The following HMGCLL1 variants were observed in gnomAD, a reference collection of about 807,000 sequenced individuals.
HMGCLL1 encodes the protein 3-hydroxymethyl-3-methylglutaryl-CoA lyase, cytoplasmic.
HMGCLL1 carries 36 observed loss-of-function variants against 39.1 expected under a neutral mutation model. The observed-to-expected ratio is 0.92, with a 90% CI of 0.71 to 1.22. The LOEUF (loss-of-function observed/expected upper bound fraction) is 1.22, where lower values mean the gene tolerates loss of function less well. HMGCLL1 is among the 50% of genes most tolerant of loss of function. The pLI is 0.00. For missense variants in HMGCLL1, 451 were observed against 416.5 expected (o/e 1.08, Z -0.72); for synonymous variants, 149 against 144.0 (o/e 1.03, Z -0.25).
chr6:55,577,715 G>C (rs1392707506), intron 1 of HMGCLL1, among the ~76,000 whole-genome samples: 1 of 152,072 alleles, frequency 6.6e-6, no homozygotes, highest in Non-Finnish European at 1.5e-5. Flanking sequence ...ATAAGTTAAT[G>C]GTTCCTGATT....
chr6:55,536,140 T>C (rs1397781218), intron 3 of HMGCLL1, among the ~76,000 whole-genome samples: 2 of 152,154 alleles, frequency 1.3e-5, no homozygotes, highest in Admixed American at 1.3e-4. Flanking sequence ...CTTGCTAACA[T>C]TGTGTTTGGT....
chr6:55,624,465 G>A, the HMGCLL1 span, among the ~76,000 whole-genome samples: 462 of 152,280 alleles, frequency 3.0e-3, 1 homozygote, highest in African/African-American at 0.01. Flanking sequence ...CAGCTGGCAA[G>A]GCCAGCAATA....
the HMGCLL1 span, among the ~76,000 whole-genome samples, chr6:55,647,871 A>G: frequency 2.6e-5 from 3 of 116,710 alleles, no homozygotes; most frequent in East Asian, 2.4e-4. Flanking sequence ...TGCACCCACT[A>G]ATGTGTCATC....
the HMGCLL1 span, among the ~76,000 whole-genome samples, chr6:55,584,958 G>A: frequency 1.3e-5 from 2 of 151,610 alleles, no homozygotes; most frequent in Non-Finnish European, 2.9e-5. Context: ...TGATACCTAA[G>A]GGGAAAAAAG....
At chr6:55,673,665 AT>A in the HMGCLL1 span, among the ~76,000 whole-genome samples, 4 of 151,992 alleles carry the variant, frequency 2.6e-5, no homozygotes, top group Non-Finnish European at 5.9e-5. Context: ...CAAATAATGC[AT>A]AATAGCAAAC....
At chr6:55,494,016 G>C (rs897986971) in intron 7 of HMGCLL1, among the ~76,000 whole-genome samples, 16 of 152,132 alleles carry the variant, frequency 1.1e-4, no homozygotes, top group Non-Finnish European at 2.2e-4. Context: ...GGGATTACAG[G>C]CGTGAGCCAC....
chr6:55,492,853 T>G (rs925022097), intron 7 of HMGCLL1, among the ~76,000 whole-genome samples: 1 of 152,006 alleles, frequency 6.6e-6, no homozygotes, highest in Non-Finnish European at 1.5e-5. Context: ...CAACAGAGCT[T>G]CTGCACATGG....
At chr6:55,456,797 C>T (rs1000207062) in intron 7 of HMGCLL1, among the ~76,000 whole-genome samples, 1 of 152,202 alleles carries the variant, frequency 6.6e-6, no homozygotes, top group Non-Finnish European at 1.5e-5. Context: ...CTTTGTCCAT[C>T]CAGCCTATAG....
chr6:55,447,606 A>C (rs1030197431), intron 7 of HMGCLL1, among the ~76,000 whole-genome samples: 10 of 152,034 alleles, frequency 6.6e-5, no homozygotes, highest in Non-Finnish European at 1.0e-4. Context: ...AAAGCAAGAA[A>C]ATTTTCAATT....
chr6:55,674,092 A>G, the HMGCLL1 span, among the ~76,000 whole-genome samples: 1 of 152,038 alleles, frequency 6.6e-6, no homozygotes, highest in Admixed American at 6.6e-5. Flanking sequence ...AAGTAGTAGC[A>G]TGTCGTAATG....
intron 5 of HMGCLL1, among the ~76,000 whole-genome samples, chr6:55,503,074 T>A (rs1766977231): frequency 6.6e-6 from 1 of 151,754 alleles, no homozygotes; most frequent in Admixed American, 6.6e-5. Context: ...TTCATGGCAA[T>A]TTTAGTTTCT....
Position 55,536,594 on chromosome 6 carries a change from C to T in HMGCLL1, c.297+5135G>A, listed in dbSNP as rs561553178. 2.6e-5 allele frequency among the ~76,000 whole-genome samples: 4 copies of T among 152,218 alleles called. No homozygotes were observed. The South Asian group carries it at 6.2e-4, about 24-fold the overall frequency. ...TTTCTTTCTGCTGCTATTGTTCATT[C>T]CATCTGAGCGAGGGGCTATCTGGAC... is the stretch of plus-strand genomic sequence containing the variant. On this transcript the variant is annotated intron_variant, in intron 3 of 8. Coordinates refer to ENST00000274901, the MANE Select transcript of HMGCLL1 (RefSeq NM_001042406.2).
chr6:55,649,408 T>G, the HMGCLL1 span, among the ~76,000 whole-genome samples: 1 of 151,498 alleles, frequency 6.6e-6, no homozygotes, highest in Non-Finnish European at 1.5e-5. Flanking sequence ...ACTTTAAATA[T>G]GACATGCCAC....
chr6:55,498,771 G>T lies in HMGCLL1; in HGVS notation c.606+465C>A, dbSNP rs555384693. Among the ~76,000 whole-genome samples the T allele has an allele frequency of 2.7e-4, 41 of 152,154 alleles. 1 individual carries two copies. The South Asian group carries it at 8.5e-3, about 32-fold the overall frequency. On this transcript the variant is annotated intron_variant, in intron 6 of 8. Coordinates refer to ENST00000274901, the MANE Select transcript of HMGCLL1 (RefSeq NM_001042406.2). ...CTGGAATAACAGCAACTTAATCACAGCAGTAAGATCTCCAGGATCACAAAA... is the reference window on the plus strand; with the variant it reads ...CTGGAATAACAGCAACTTAATCACATCAGTAAGATCTCCAGGATCACAAAA...
At position 55,516,573 on chromosome 6, in the gene HMGCLL1, T is replaced by G; in HGVS notation, c.328A>C (p.Ile110Leu). The change falls in exon 4 of 9, where the codon ATT becomes CTT. Residue 110 changes from isoleucine to leucine, a missense_variant. Coordinates refer to ENST00000274901, the MANE Select transcript of HMGCLL1 (RefSeq NM_001042406.2). ...TAGCGAACTCCTGGATATTGATGAA[T>G]GCCTTTCATTACTTCAGTGTGATCA... ...MADHTEVMKGIHQYPGVRYPV... is the reference protein window; with the variant it reads ...MADHTEVMKGLHQYPGVRYPV... 1 of 1,601,688 alleles carries G rather than the reference T, an allele frequency of 6.2e-7. No homozygotes were observed. The highest frequency in any genetic ancestry group is 1.1e-5 in the South Asian group (1 of 89,174).
the HMGCLL1 span, among the ~76,000 whole-genome samples, chr6:55,611,756 C>T: frequency 1.1e-4 from 16 of 152,278 alleles, no homozygotes; most frequent in African/African-American, 3.4e-4. Context: ...AATGCAACAT[C>T]TCTTTATGTT....
At chr6:55,510,267 T>G (rs1767378093) in intron 5 of HMGCLL1, among the ~76,000 whole-genome samples, 1 of 151,830 alleles carries the variant, frequency 6.6e-6, no homozygotes, top group South Asian at 2.1e-4. Flanking sequence ...GTAAAGAAAC[T>G]TTCATGATTT....
intron 1 of HMGCLL1, among the ~76,000 whole-genome samples, chr6:55,559,877 A>G (rs931298928): frequency 6.6e-6 from 1 of 152,216 alleles, no homozygotes; most frequent in African/African-American, 2.4e-5. Flanking sequence ...TGAAATGTCT[A>G]GCATCAAGAA....
At chr6:55,436,047 T>C (rs750682313) in intron 8 of HMGCLL1, among the ~76,000 whole-genome samples, 1 of 151,618 alleles carries the variant, frequency 6.6e-6, no homozygotes, top group Non-Finnish European at 1.5e-5. Context: ...GTATCTAGAG[T>C]CTAGGAAGGA....
Sources: allele counts gnomAD v4.1 joint callset (sites outside exome capture counted in the v4.1 genomes callset), GRCh38; gene constraint gnomAD v4.1.1; transcripts MANE v1.5; gene names NCBI Gene and HGNC (gene_info 2026-07-23, HGNC 2026-07-21).